GPC5: variants seen among roughly 807,000 people sequenced by gnomAD.
GPC5 encodes the protein glypican-5.
In GPC5, 47 loss-of-function variants were observed where a neutral mutation model predicts 53.9. The observed-to-expected ratio is 0.87, with a 90% confidence interval of 0.69 to 1.11. The LOEUF (loss-of-function observed/expected upper bound fraction) is 1.11, where lower values mean the gene tolerates loss of function less well. Among genes scored for constraint, GPC5 ranks in the 50% most tolerant of loss-of-function variants. GPC5 has a pLI of 0.00. For synonymous variants in GPC5, 286 were observed against 263.3 expected, an observed-to-expected ratio of 1.09 and a Z score of -0.84; for missense variants, 748 against 713.1, an observed-to-expected ratio of 1.05 and a Z score of -0.56.
At chr13:92,322,357 G>A (rs1205299924) in intron 7 of GPC5, among the ~76,000 whole-genome samples, 2 of 151,916 alleles carry the variant, frequency 1.3e-5, no homozygotes, top group Non-Finnish European at 2.9e-5. Context: ...AAAAATAAAG[G>A]CAAATTATAT....
intron 7 of GPC5, among the ~76,000 whole-genome samples, chr13:92,490,431 G>T (rs1286345181): frequency 6.6e-6 from 1 of 151,996 alleles, no homozygotes; most frequent in Non-Finnish European, 1.5e-5. Flanking sequence ...CATCAAAAAT[G>T]ATGGCTCTCT....
At chr13:91,878,713 G>T in intron 5 of GPC5, among the ~76,000 whole-genome samples, 1 of 152,250 alleles carries the variant, frequency 6.6e-6, no homozygotes, top group African/African-American at 2.4e-5. Context: ...ATCATGTGAA[G>T]AGGGACATGT....
intron 6 of GPC5, among the ~76,000 whole-genome samples, chr13:91,975,943 A>G (rs1256995492): frequency 6.6e-6 from 1 of 152,216 alleles, no homozygotes; most frequent in Non-Finnish European, 1.5e-5. Context: ...ATGCAGCCAT[A>G]AAAAATGATG....
At chr13:92,226,268 C>G (rs2042485326) in intron 7 of GPC5, among the ~76,000 whole-genome samples, 1 of 152,104 alleles carries the variant, frequency 6.6e-6, no homozygotes. Flanking sequence ...AGTGTGAAAA[C>G]ACACTAATAC....
rs534021451 is a variant in GPC5, at chr13:92,175,801, AC to A, written c.1561+30813del. On this transcript the variant is annotated intron_variant, in intron 7 of 7. Transcript: ENST00000377067. ...GTGATATTCCTCAAAGAAAAAAAAA[AC>A]ATCTCCCTACAGCCAGGCACATTTA... Among the ~76,000 whole-genome samples, 306 of 151,902 alleles carry A rather than the reference AC, an allele frequency of 2.0e-3. 3 individuals carry two copies. The highest frequency in any genetic ancestry group is 7.1e-3 in the African/African-American group (293 of 41,492).
intron 6 of GPC5, among the ~76,000 whole-genome samples, chr13:91,975,361 A>G (rs1019107096): frequency 1.1e-4 from 16 of 152,132 alleles, no homozygotes; most frequent in African/African-American, 3.1e-4. Context: ...AAATTTTTGC[A>G]ACCTACTCAT....
Position 91,690,240 on chromosome 13 carries a change from A to G in GPC5, c.326-2947A>G, listed in dbSNP as rs949135408. 1.9e-4 allele frequency among the ~76,000 whole-genome samples: 29 copies of G among 152,210 alleles called. 1 individual carries two copies. Among genetic ancestry groups the G allele is most frequent in the Non-Finnish European group, 1.8e-4 (12 of 68,020 alleles). ...AGTCAATACACAGTTTATGAAAGCTAAAATTTTAATGCATGTGTTATTAGA... is the reference window on the plus strand; with the variant it reads ...AGTCAATACACAGTTTATGAAAGCTGAAATTTTAATGCATGTGTTATTAGA... On this transcript the variant is annotated intron_variant, in intron 2 of 7. Transcript: ENST00000377067.
Position 91,577,995 on chromosome 13 carries a change from A to C in GPC5, c.326-115192A>C, listed in dbSNP as rs190577214. Among the ~76,000 whole-genome samples, 13 of 152,330 alleles carry C rather than the reference A, an allele frequency of 8.5e-5. No individual in the cohort carries two copies. The East Asian group carries it at 2.1e-3, about 25-fold the overall frequency. Reference sequence around the variant, plus strand: ...AGTGTGTGATTTCTGTGGCTAGGCCATGAAAGATATTGTAGTTTCAGCCTT... The same window carrying C: ...AGTGTGTGATTTCTGTGGCTAGGCCCTGAAAGATATTGTAGTTTCAGCCTT... On this transcript the variant is annotated intron_variant, in intron 2 of 7. Coordinates refer to ENST00000377067, the MANE Select transcript of GPC5 (RefSeq NM_004466.6).
intron 7 of GPC5, among the ~76,000 whole-genome samples, chr13:92,361,875 A>C (rs1289803066): frequency 6.6e-6 from 1 of 151,514 alleles, no homozygotes; most frequent in Non-Finnish European, 1.5e-5. Context: ...TCTTTACCTG[A>C]CTGGATGATA....
intron 2 of GPC5, among the ~76,000 whole-genome samples, chr13:91,647,070 CGTGTGTGTGTGTGTGTGT>C (rs66824666): frequency 0.039 from 5,552 of 144,108 alleles, 134 homozygotes; most frequent in Admixed American, 0.053. Flanking sequence ...TATATATATG[CGTGTGTGTGTGTGTGTGT>C]GTGTGTGTGT....
At chr13:91,733,289 C>T (rs1487484450) in intron 4 of GPC5, among the ~76,000 whole-genome samples, 1 of 152,062 alleles carries the variant, frequency 6.6e-6, no homozygotes, top group Non-Finnish European at 1.5e-5. Context: ...CATGCACCAC[C>T]ACACCTGGCT....
intron 7 of GPC5, among the ~76,000 whole-genome samples, chr13:92,333,897 A>G (rs1315695445): frequency 6.6e-6 from 1 of 152,162 alleles, no homozygotes; most frequent in Admixed American, 6.5e-5. Context: ...GACAACATGA[A>G]AGAACAGATG....
chr13:92,317,427 T>C (rs986084087), intron 7 of GPC5, among the ~76,000 whole-genome samples: 1 of 152,174 alleles, frequency 6.6e-6, no homozygotes, highest in African/African-American at 2.4e-5. Context: ...GAGAAGATTT[T>C]ATGTGATTTA....
chr13:92,613,487 TA>T (rs1161376108), intron 7 of GPC5, among the ~76,000 whole-genome samples: 4 of 89,156 alleles, frequency 4.5e-5, no homozygotes, highest in Non-Finnish European at 8.2e-5. Flanking sequence ...TATATATAAA[TA>T]TGTAATATAT....
chr13:91,584,569 A>G (rs1377175900), intron 2 of GPC5, among the ~76,000 whole-genome samples: 1 of 152,082 alleles, frequency 6.6e-6, no homozygotes, highest in African/African-American at 2.4e-5. Flanking sequence ...TTTGGACTAT[A>G]TTAAAACCAA....
intron 4 of GPC5, among the ~76,000 whole-genome samples, chr13:91,735,027 T>G (rs542773887): frequency 6.6e-6 from 1 of 151,168 alleles, no homozygotes; most frequent in Admixed American, 6.6e-5. Context: ...AAAACATTTT[T>G]TATCTAAGAA....
Position 92,230,031 on chromosome 13 carries a change from C to A in GPC5, c.1561+85042C>A, listed in dbSNP as rs114758832. ...ACTATAAATGAAAACAATTTTATTTCTAAACTAAACTGCGTTTTGAACTGA... is the reference window on the plus strand; with the variant it reads ...ACTATAAATGAAAACAATTTTATTTATAAACTAAACTGCGTTTTGAACTGA... On this transcript the variant is annotated intron_variant, in intron 7 of 7. Transcript: ENST00000377067. Among the ~76,000 whole-genome samples, 289 of 152,082 alleles carry A rather than the reference C, an allele frequency of 1.9e-3. 1 individual carries two copies. Among genetic ancestry groups the A allele is most frequent in the African/African-American group, 6.7e-3 (278 of 41,510 alleles).
chr13:91,476,926 A>T (rs1882963752), intron 2 of GPC5, among the ~76,000 whole-genome samples: 1 of 152,196 alleles, frequency 6.6e-6, no homozygotes, highest in South Asian at 2.1e-4. Flanking sequence ...GATCCATACC[A>T]TGTTAGGGAT....
chr13:92,144,432 T>G (rs2041851836), intron 6 of GPC5, among the ~76,000 whole-genome samples: 1 of 152,110 alleles, frequency 6.6e-6, no homozygotes, highest in Admixed American at 6.6e-5. Flanking sequence ...AAATACGGAG[T>G]GTGGGTTTAC....
Sources: allele counts gnomAD v4.1 joint callset (sites outside exome capture counted in the v4.1 genomes callset), GRCh38; gene constraint gnomAD v4.1.1; transcripts MANE v1.5; gene names NCBI Gene and HGNC (gene_info 2026-07-23, HGNC 2026-07-21).